LIMCH1: variants seen among roughly 807,000 people sequenced by gnomAD.
The protein encoded by LIMCH1 is LIM and calponin homology domains 1.
Under a neutral mutation model 176.5 loss-of-function variants are expected in LIMCH1, and 113 were observed. That is an observed-to-expected ratio of 0.64 (90% CI 0.55 to 0.75). The LOEUF (loss-of-function observed/expected upper bound fraction) is 0.75. Among genes scored for constraint, LIMCH1 ranks in the 30% least tolerant of loss-of-function variants. The pLI is 0.00. For missense variants in LIMCH1, 1,674 were observed against 1,814.9 expected (o/e 0.92, Z 1.41); for synonymous variants, 619 against 645.9 (o/e 0.96, Z 0.63).
chr4:41,557,045 C>T lies in LIMCH1; in HGVS notation c.-241+18695C>T, dbSNP rs147283008. 1.4e-3 allele frequency among the ~76,000 whole-genome samples: 219 copies of T among 152,248 alleles called. 1 individual carries two copies. In the East Asian group the frequency reaches 0.03, roughly 21 times the overall value. ...TTTTAACTATCATTAATGGCCATTCCAGGAATCTATCTCTATTTCTTTGGG... is the reference window on the plus strand; with the variant it reads ...TTTTAACTATCATTAATGGCCATTCTAGGAATCTATCTCTATTTCTTTGGG... On this transcript the variant is annotated intron_variant, in intron 1 of 31. Transcript: ENST00000503057.
chr4:41,431,236 G>A (rs904792384), intron 1 of LIMCH1, among the ~76,000 whole-genome samples: 1 of 152,102 alleles, frequency 6.6e-6, no homozygotes, highest in Non-Finnish European at 1.5e-5. Flanking sequence ...AAGGGTCAAA[G>A]CTTTGAGACA....
chr4:41,623,429 CTG>C (rs1268498266), intron 7 of LIMCH1, among the ~76,000 whole-genome samples: 1 of 152,176 alleles, frequency 6.6e-6, no homozygotes, highest in Admixed American at 6.5e-5. Context: ...ATTTTGTAGA[CTG>C]TTTTTTGTTT....
chr4:41,642,603 G>T (rs763612899), intron 14 of LIMCH1, among the ~76,000 whole-genome samples: 3 of 151,910 alleles, frequency 2.0e-5, no homozygotes, highest in East Asian at 1.9e-4. Context: ...CTGTCACCCA[G>T]GCTGGAGTGC....
At chr4:41,633,941 C>T (rs1486958026) in intron 13 of LIMCH1, 133 bp downstream of exon 13, 3 of 1,025,990 alleles carry the variant, frequency 2.9e-6, no homozygotes, top group Admixed American at 2.8e-5. Context: ...CAAAATTGGC[C>T]TCATCTGCGA....
At chr4:41,682,253 C>A in intron 25 of LIMCH1, 80 bp from the exon 26 acceptor site, 1 of 1,048,696 alleles carries the variant, frequency 9.5e-7, no homozygotes, top group Non-Finnish European at 1.3e-6. Context: ...AAAAATACTT[C>A]AAATATCCCT....
intron 1 of LIMCH1, among the ~76,000 whole-genome samples, chr4:41,571,742 A>G (rs2083591609): frequency 6.6e-6 from 1 of 152,166 alleles, no homozygotes; most frequent in Admixed American, 6.5e-5. Flanking sequence ...CTACAGTATC[A>G]CTGCAGGTAA....
chr4:41,535,966 C>A (rs531639713), upstream of LIMCH1, among the ~76,000 whole-genome samples: 10 of 152,188 alleles, frequency 6.6e-5, no homozygotes, highest in South Asian at 2.1e-3. Context: ...CCTTATCTTT[C>A]GTTGAACAGC....
chr4:41,648,904 AC>A (rs1343696509), intron 17 of LIMCH1, among the ~76,000 whole-genome samples: 6 of 151,562 alleles, frequency 4.0e-5, no homozygotes, highest in African/African-American at 1.2e-4. Context: ...TAATAAAAAA[AC>A]ATAGTGTGTC....
chr4:41,402,989 G>A (rs1228146511), intron 1 of LIMCH1, among the ~76,000 whole-genome samples: 17 of 148,614 alleles, frequency 1.1e-4, no homozygotes, highest in African/African-American at 9.9e-5. Flanking sequence ...TAAAAAAAAA[G>A]AAAAAAAAAG....
Position 41,685,497 on chromosome 4 carries a change from G to A in LIMCH1, c.3968-213G>A, listed in dbSNP as rs138305959. The stretch of plus-strand genomic sequence containing the variant: ...CTGTTTTATGACATCAGAAATCAGC[G>A]AGGGGAAAGGGCATGGTTCCTGACC... On this transcript the variant is annotated intron_variant, in intron 27 of 31. Coordinates refer to ENST00000503057, the MANE Select transcript of LIMCH1 (RefSeq NM_001330672.2). Among the ~76,000 whole-genome samples the A allele has an allele frequency of 4.5e-3, 690 of 152,240 alleles. 3 individuals are homozygous for A. Among genetic ancestry groups the A allele is most frequent in the South Asian group, 7.7e-3 (37 of 4,810 alleles).
chr4:41,678,240 T>TC (rs1712631723), intron 23 of LIMCH1, among the ~76,000 whole-genome samples: 3 of 151,912 alleles, frequency 2.0e-5, no homozygotes, highest in Admixed American at 2.0e-4. Flanking sequence ...CTTTTCTTTT[T>TC]TTTTTTCCTA....
At chr4:41,554,954 T>C (rs1003778575) in intron 1 of LIMCH1, among the ~76,000 whole-genome samples, 6 of 152,184 alleles carry the variant, frequency 3.9e-5, no homozygotes, top group Admixed American at 3.3e-4. Flanking sequence ...GAAGATTCAG[T>C]AGTCAGGATT....
chr4:41,646,929 A>G, intron 17 of LIMCH1, 36 bp downstream of exon 17: 1 of 1,558,460 alleles, frequency 6.4e-7, no homozygotes, highest in Non-Finnish European at 8.8e-7. Context: ...ACCAAAGCTG[A>G]ACTCCAGGGA....
At chr4:41,596,055 AAAAAAAT>A (rs2088730979) in intron 1 of LIMCH1, among the ~76,000 whole-genome samples, 1 of 144,260 alleles carries the variant, frequency 6.9e-6, no homozygotes. Context: ...TCTCAAAAAA[AAAAAAAT>A]AAAAAAGTTC....
At chr4:41,671,884 CAAAAAAAAAAAA>C (rs34994833) in intron 22 of LIMCH1, among the ~76,000 whole-genome samples, 1 of 52,378 alleles carries the variant, frequency 1.9e-5, no homozygotes, top group Non-Finnish European at 3.6e-5. Context: ...GACTTCGTCT[CAAAAAAAAAAAA>C]AAAAAAAAAA....
intron 1 of LIMCH1, among the ~76,000 whole-genome samples, chr4:41,396,743 A>T (rs1033474117): frequency 6.6e-6 from 1 of 152,036 alleles, no homozygotes; most frequent in Admixed American, 6.6e-5. Context: ...CCTACTAAAA[A>T]TACAAAAACT....
chr4:41,374,969 A>G (rs2054518058), intron 1 of LIMCH1, among the ~76,000 whole-genome samples: 1 of 152,210 alleles, frequency 6.6e-6, no homozygotes, highest in African/African-American at 2.4e-5. Flanking sequence ...GCCTAAGCCA[A>G]TCAGACTTCA....
At chr4:41,501,975 G>T (rs570233395) in intron 2 of LIMCH1, among the ~76,000 whole-genome samples, 1 of 148,302 alleles carries the variant, frequency 6.7e-6, no homozygotes, top group Non-Finnish European at 1.5e-5. Context: ...TGCCATGGTG[G>T]TTTGCTGCAT....
intron 2 of LIMCH1, among the ~76,000 whole-genome samples, chr4:41,497,358 A>T (rs2072369140): frequency 6.6e-6 from 1 of 152,060 alleles, no homozygotes; most frequent in South Asian, 2.1e-4. Flanking sequence ...AAACAGAAGG[A>T]TACCTTCTGG....
Sources: allele counts gnomAD v4.1 joint callset (sites outside exome capture counted in the v4.1 genomes callset), GRCh38; gene constraint gnomAD v4.1.1; transcripts MANE v1.5; gene names NCBI Gene and HGNC (gene_info 2026-07-23, HGNC 2026-07-21).